ZNF721: variants seen among roughly 807,000 people sequenced by gnomAD.
The protein encoded by ZNF721 is zinc finger protein 721.
A neutral mutation model predicts 2.4 loss-of-function variants in ZNF721; 2 were observed. That is an observed-to-expected ratio of 0.82 (90% CI 0.34 to 2.58). The LOEUF (loss-of-function observed/expected upper bound fraction) is 2.58, where lower values mean the gene tolerates loss of function less well. ZNF721 is among the 30% of genes most tolerant of loss of function. The pLI is 0.11. For synonymous variants in ZNF721, 398 were observed against 381.8 expected (o/e 1.04, Z -0.50); for missense variants, 1,187 against 1,085.5 (o/e 1.09, Z -1.31).
rs1553867879 is a variant in ZNF721 at position 472,591 on chromosome 4, T to C, written c.18A>G (p.Arg6=). Reference sequence around the variant, plus strand: ...TATCCTCACCTAGGGAGACCAGGTTTCTGTAGTTCTCCAACATCACATCTC... The same window carrying C: ...TATCCTCACCTAGGGAGACCAGGTTCCTGTAGTTCTCCAACATCACATCTC... MLENY[R]NLVSLAMCSH... The change falls in exon 2 of 3, where the codon AGA becomes AGG. Residue 6 remains arginine (R), a synonymous_variant. Coordinates refer to ENST00000511833, the MANE Select transcript of ZNF721 (RefSeq NM_133474.4). The C allele has an allele frequency of 6.2e-7, 1 of 1,613,338 alleles. No individual in the cohort carries two copies. The highest frequency in any genetic ancestry group is 8.5e-7 in the Non-Finnish European group (1 of 1,179,898).
intron 2 of ZNF721, among the ~76,000 whole-genome samples, chr4:467,797 G>A (rs782737906): frequency 9.9e-5 from 15 of 152,232 alleles, no homozygotes; most frequent in East Asian, 1.9e-4. Flanking sequence ...GTCACAGTCC[G>A]TGGCCACTCG....
intron 2 of ZNF721, among the ~76,000 whole-genome samples, chr4:469,300 A>G (rs1553867269): frequency 6.6e-6 from 1 of 152,186 alleles, no homozygotes; most frequent in East Asian, 1.9e-4. Context: ...AAAGAAAAAA[A>G]TTCAATTTAC....
rs1553863613 is a variant in ZNF721, at chr4:443,338, T to C, written c.1129A>G (p.Asn377Asp). The stretch of plus-strand genomic sequence containing the variant: ...CCAGTATGAATTTTCTTGTGTTGAT[T>C]CAGGGCTGTGTACCGTCCAAAGGCT... ...GKAFGRYTAL[N>D]QHKKIHTGEK... Residue 377 changes from asparagine to aspartate, a missense_variant, in exon 3 of 3, where the codon AAT becomes GAT. Coordinates refer to ENST00000511833, the MANE Select transcript of ZNF721 (RefSeq NM_133474.4). The C allele has an allele frequency of 1.2e-6, 2 of 1,614,000 alleles. No homozygotes were observed. Among genetic ancestry groups the C allele is most frequent in the East Asian group, 4.5e-5 (2 of 44,854 alleles).
At chr4:493,171 TAAAAAAAAA>T (rs79248295) in intron 1 of ZNF721, among the ~76,000 whole-genome samples, 2 of 131,876 alleles carry the variant, frequency 1.5e-5, no homozygotes, top group Non-Finnish European at 3.3e-5. Context: ...ACTGAGACAG[TAAAAAAAAA>T]AAAAAAAAAA....
intron 1 of ZNF721, among the ~76,000 whole-genome samples, chr4:491,702 A>AT (rs1716026196): frequency 6.6e-6 from 1 of 152,228 alleles, no homozygotes; most frequent in Non-Finnish European, 1.5e-5. Context: ...ATCAAAGACA[A>AT]TTGGCTTCAG....
At chr4:483,321 C>G (rs1338262425) in intron 1 of ZNF721, among the ~76,000 whole-genome samples, 2 of 152,152 alleles carry the variant, frequency 1.3e-5, no homozygotes, top group African/African-American at 4.8e-5. Context: ...GAGGCTGAGG[C>G]AGGTGGATCA....
rs1553863181 is a variant in ZNF721 at position 441,884 on chromosome 4, T to C, written c.2583A>G (p.Gly861=). Residue 861 remains glycine, a synonymous_variant, in exon 3 of 3, where the codon GGA becomes GGG. Coordinates refer to ENST00000511833, the MANE Select transcript of ZNF721 (RefSeq NM_133474.4). ...ILYVHRRIHT[G]EKPYTCGECG... ...ATTCTCCACATGTGTAGGGTTTCTC[T>C]CCAGTATGAATTCTCCTATGTACAT... The C allele has an allele frequency of 6.2e-7, 1 of 1,613,940 alleles. No individual in the cohort carries two copies.
intron 2 of ZNF721, among the ~76,000 whole-genome samples, chr4:465,368 C>A (rs1161809772): frequency 6.6e-6 from 1 of 151,628 alleles, no homozygotes; most frequent in African/African-American, 2.4e-5. Flanking sequence ...GCCTGGGAAA[C>A]AAAGCAAGAC....
intron 1 of ZNF721, among the ~76,000 whole-genome samples, chr4:483,786 C>T (rs1553869853): frequency 6.6e-6 from 1 of 152,154 alleles, no homozygotes; most frequent in Non-Finnish European, 1.5e-5. Context: ...TTAATCCTAA[C>T]ATAATATTTC....
intron 1 of ZNF721, among the ~76,000 whole-genome samples, chr4:477,648 C>T (rs1278993879): frequency 6.6e-6 from 1 of 151,902 alleles, no homozygotes; most frequent in African/African-American, 2.4e-5. Flanking sequence ...TTAGAGTAAG[C>T]CGATAGTTTA....
chr4:442,528 C>A lies in ZNF721; in HGVS notation c.1939G>T (p.Gly647Cys), dbSNP rs1414682424. 5 of 1,613,732 alleles carry A rather than the reference C, an allele frequency of 3.1e-6. No homozygotes were observed. Among genetic ancestry groups the A allele is most frequent in the Non-Finnish European group, 4.2e-6 (5 of 1,179,862 alleles). ...GEKPYKCEEC[G>C]KAFAPSTDLN... ...TCTGTTGATGGGGCAAAGGCTTTGC[C>A]ACACTCTTCACATTTGTAAGGTTTC... Residue 647 changes from glycine to cysteine, a missense_variant, in exon 3 of 3, where the codon GGC becomes TGC. By Grantham distance (159) the Gly-to-Cys change is radical. Coordinates refer to ENST00000511833, the MANE Select transcript of ZNF721 (RefSeq NM_133474.4).
At chr4:450,589 T>A (rs1463686490) in intron 2 of ZNF721, among the ~76,000 whole-genome samples, 2 of 151,760 alleles carry the variant, frequency 1.3e-5, no homozygotes, top group South Asian at 2.1e-4. Flanking sequence ...ATAAAAAATA[T>A]CTCAAAAATA....
At chr4:449,077 A>T in intron 2 of ZNF721, among the ~76,000 whole-genome samples, 1 of 152,224 alleles carries the variant, frequency 6.6e-6, no homozygotes, top group East Asian at 1.9e-4. Context: ...GCCAGAAAAT[A>T]GAAAAAGTAG....
intron 1 of ZNF721, among the ~76,000 whole-genome samples, chr4:478,209 T>A (rs1553868886): frequency 6.6e-6 from 1 of 152,182 alleles, no homozygotes; most frequent in African/African-American, 2.4e-5. Flanking sequence ...AAGACAAAAA[T>A]TAAGGACCTT....
intron 1 of ZNF721, among the ~76,000 whole-genome samples, chr4:488,980 G>A (rs562544608): frequency 8.5e-5 from 13 of 152,250 alleles, no homozygotes; most frequent in Admixed American, 1.3e-4. Flanking sequence ...AGTAGCTAGC[G>A]GGAAGAAATG....
At chr4:456,154 T>G (rs1376851808) in intron 2 of ZNF721, among the ~76,000 whole-genome samples, 1 of 152,036 alleles carries the variant, frequency 6.6e-6, no homozygotes. Flanking sequence ...CACTGCAACC[T>G]CCGCCTCCCG....
At position 473,836 on chromosome 4, in the gene ZNF721, G is replaced by A. The variant is rs1646325619; in HGVS notation, c.-93-1135C>T. The A allele has an allele frequency of 5.2e-6, 5 of 967,354 alleles. No homozygotes were observed. In the Admixed American group the frequency reaches 1.3e-4, roughly 26 times the overall value. 59.9% of individuals were successfully genotyped at this position (967,354 alleles called of 1,614,324 possible). On this transcript the variant is annotated intron_variant, in intron 1 of 2. Transcript: ENST00000511833. ...TTGCGGGGACCCCGACAGGAGCGCG[G>A]GTCCCTCACCGGAGGGGACTGAGGA... is the stretch of plus-strand genomic sequence containing the variant.
chr4:446,377 T>TTATC (rs1230263267), intron 2 of ZNF721, among the ~76,000 whole-genome samples: 2 of 146,834 alleles, frequency 1.4e-5, no homozygotes, highest in Non-Finnish European at 3.0e-5. Flanking sequence ...AATGAGGAAG[T>TTATC]TTTCTTTTTT....
At chr4:471,217 C>T (rs1271497122) in intron 2 of ZNF721, among the ~76,000 whole-genome samples, 3 of 151,932 alleles carry the variant, frequency 2.0e-5, no homozygotes, top group African/African-American at 4.8e-5. Flanking sequence ...TAAAAATGGA[C>T]ATATCATATA....
Sources: gnomAD v4.1 joint callset for allele counts (sites outside exome capture counted in the v4.1 genomes callset) on GRCh38, gnomAD v4.1.1 for gene constraint, MANE v1.5 for transcripts, NCBI Gene and HGNC (gene_info 2026-07-23, HGNC 2026-07-21) for gene names.